The following ACSM1 variants were observed in gnomAD, a reference collection of about 807,000 sequenced individuals.
The protein encoded by ACSM1 is acyl-coenzyme A synthetase ACSM1, mitochondrial.
Under a neutral mutation model 75.8 loss-of-function variants are expected in ACSM1, and 79 were observed. That is an observed-to-expected ratio of 1.04 (90% CI 0.87 to 1.26). The LOEUF (loss-of-function observed/expected upper bound fraction) is 1.26, where lower values mean the gene tolerates loss of function less well. Among genes scored for constraint, ACSM1 ranks in the 50% most tolerant of loss-of-function variants. ACSM1 has a pLI of 0.00. For missense variants in ACSM1, 676 were observed against 720.1 expected, an observed-to-expected ratio of 0.94 and a Z score of 0.70; for synonymous variants, 279 against 265.8, an observed-to-expected ratio of 1.05 and a Z score of -0.48.
intron 10 of ACSM1, among the ~76,000 whole-genome samples, chr16:20,630,707 G>T (rs117145117): frequency 1.3e-5 from 2 of 152,218 alleles, no homozygotes; most frequent in South Asian, 4.1e-4. Context: ...TCCATCCAAC[G>T]GCAGAAGAAC....
chr16:20,672,216 T>A (rs2019951339), intron 4 of ACSM1, among the ~76,000 whole-genome samples: 1 of 151,544 alleles, frequency 6.6e-6, no homozygotes, highest in African/African-American at 2.4e-5. Context: ...GCTAAGCTTG[T>A]TTTTTAAAAT....
At chr16:20,640,399 CA>C (rs1049024880) in intron 8 of ACSM1, 61 bp downstream of exon 8, 1 of 1,598,624 alleles carries the variant, frequency 6.3e-7, no homozygotes, top group African/African-American at 1.3e-5. Context: ...TTAACCTTAG[CA>C]AAATAATCTT....
intron 7 of ACSM1, 135 bp downstream of exon 7, chr16:20,661,659 A>T (rs1211697163): frequency 1.8e-6 from 1 of 546,772 alleles, no homozygotes; most frequent in African/African-American, 1.9e-5. Context: ...TTAACTTTTG[A>T]TCATCATCGC....
At chr16:20,677,775 G>A (rs1255278311) in intron 4 of ACSM1, among the ~76,000 whole-genome samples, 1 of 152,060 alleles carries the variant, frequency 6.6e-6, no homozygotes, top group Non-Finnish European at 1.5e-5. Flanking sequence ...TCTGACAAGA[G>A]CTCTCTGGCT....
Position 20,637,380 on chromosome 16 carries a change from G to C in ACSM1, c.1188C>G (p.Tyr396Ter). 1 of 1,613,730 alleles carries C rather than the reference G, an allele frequency of 6.2e-7. No individual in the cohort carries two copies. Among genetic ancestry groups the C allele is most frequent in the Non-Finnish European group, 8.5e-7 (1 of 1,179,838 alleles). Residue 396 changes from tyrosine (Y) to a stop codon, truncating the protein, a stop_gained, in exon 9 of 14, where the codon TAC becomes TAG. Transcript: ENST00000520010. LOFTEE classifies it high-confidence loss of function. Reference sequence around the variant, plus strand: ...GCCCTTAGGACCAGACCTGGACGTCGTAGGGTGGAGTGGCCTTCCCCATGA... The same window carrying C: ...GCCCTTAGGACCAGACCTGGACGTCCTAGGGTGGAGTGGCCTTCCCCATGA... Reference protein sequence around the residue: ...PGFMGKATPPYDVQVIDDKGS... With the variant: ...PGFMGKATPP
Position 20,669,813 on chromosome 16 carries a change from G to C in ACSM1, c.912+14C>G, listed in dbSNP as rs764099111. 6.2e-7 allele frequency: 1 copy of C among 1,611,560 alleles called. No homozygotes were observed. Among genetic ancestry groups the C allele is most frequent in the Non-Finnish European group, 8.5e-7 (1 of 1,178,860 alleles). The stretch of plus-strand genomic sequence containing the variant: ...TCTGGAATTTTGCTGATAGGGGAAG[G>C]TGAGTCTTCTTACCTGTATGATGAC... On this transcript the variant is annotated intron_variant, in intron 6 of 13. Coordinates refer to ENST00000520010, the MANE Select transcript of ACSM1 (RefSeq NM_001318890.3).
At chr16:20,671,437 CAA>C in intron 5 of ACSM1, 92 bp downstream of exon 5, 2 of 1,224,912 alleles carry the variant, frequency 1.6e-6, no homozygotes, top group Non-Finnish European at 2.1e-6. Context: ...GTTCCTTTCC[CAA>C]GACACACACA....
intron 7 of ACSM1, among the ~76,000 whole-genome samples, chr16:20,647,811 G>A (rs1596836509): frequency 6.6e-6 from 1 of 152,308 alleles, no homozygotes; most frequent in African/African-American, 2.4e-5. Context: ...CCTCTGGAAT[G>A]TGTCTAGACT....
At chr16:20,673,662 G>C (rs2020094421) in intron 4 of ACSM1, among the ~76,000 whole-genome samples, 1 of 152,126 alleles carries the variant, frequency 6.6e-6, no homozygotes, top group Non-Finnish European at 1.5e-5. Flanking sequence ...CAGTCCCTGG[G>C]AGATGGAAAG....
chr16:20,658,684 G>A (rs1054249810), intron 7 of ACSM1, among the ~76,000 whole-genome samples: 2 of 152,082 alleles, frequency 1.3e-5, no homozygotes, highest in African/African-American at 4.8e-5. Context: ...AAAAGTGGTG[G>A]GAAGAATAGA....
intron 7 of ACSM1, among the ~76,000 whole-genome samples, chr16:20,659,102 T>A (rs2019156953): frequency 6.6e-6 from 1 of 152,186 alleles, no homozygotes; most frequent in African/African-American, 2.4e-5. Context: ...CAGATCATGA[T>A]AACTCAGAAC....
chr16:20,665,091 GA>G (rs952100286), intron 6 of ACSM1, among the ~76,000 whole-genome samples: 2 of 150,658 alleles, frequency 1.3e-5, no homozygotes, highest in Non-Finnish European at 3.0e-5. Flanking sequence ...GAGGAACTAG[GA>G]AAAAAAAGAA....
At chr16:20,677,302 G>T (rs969265115) in intron 4 of ACSM1, among the ~76,000 whole-genome samples, 4 of 151,514 alleles carry the variant, frequency 2.6e-5, no homozygotes, top group Non-Finnish European at 5.9e-5. Context: ...TTATCTTCTT[G>T]TATGCCCATA....
intron 6 of ACSM1, among the ~76,000 whole-genome samples, chr16:20,662,954 C>T (rs567602846): frequency 6.6e-6 from 1 of 152,278 alleles, no homozygotes; most frequent in South Asian, 2.1e-4. Flanking sequence ...TGGTGACAGA[C>T]AATTGCCTTA....
Position 20,648,982 on chromosome 16 carries a change from G to A in ACSM1, c.993-8398C>T, listed in dbSNP as rs1446382499. Among the ~76,000 whole-genome samples the A allele has an allele frequency of 1.3e-5, 2 of 152,160 alleles. No homozygotes were observed. Among genetic ancestry groups the A allele is most frequent in the Non-Finnish European group, 2.9e-5 (2 of 68,030 alleles). The stretch of plus-strand genomic sequence containing the variant: ...AGACTTATCTCAGTATTGGTTTGTA[G>A]TATGAAAATTTCTGTAAATCCTCGA... On this transcript the variant is annotated intron_variant, in intron 7 of 13. Coordinates refer to ENST00000520010, the MANE Select transcript of ACSM1 (RefSeq NM_001318890.3). This position sits in a 1 kb window ranked among gnomAD's most constrained non-coding sequence, Gnocchi z 4.2.
intron 7 of ACSM1, among the ~76,000 whole-genome samples, chr16:20,647,885 T>C (rs2018447321): frequency 6.6e-6 from 1 of 152,150 alleles, no homozygotes; most frequent in Non-Finnish European, 1.5e-5. Flanking sequence ...TTATCACAAG[T>C]AGCAGAACAC....
At chr16:20,663,970 G>C (rs1350102534) in intron 6 of ACSM1, among the ~76,000 whole-genome samples, 1 of 151,982 alleles carries the variant, frequency 6.6e-6, no homozygotes, top group Admixed American at 6.6e-5. Context: ...ATCAAATGTG[G>C]GCTCTGGCTA....
chr16:20,641,983 G>C (rs2018089119), intron 7 of ACSM1, among the ~76,000 whole-genome samples: 1 of 152,246 alleles, frequency 6.6e-6, no homozygotes, highest in African/African-American at 2.4e-5. Flanking sequence ...ATTACGAAGA[G>C]TGGGAGTGAA....
Position 20,662,573 on chromosome 16 carries a change from G to A in ACSM1, c.913-700C>T, listed in dbSNP as rs914684223. ...AAGAACAGTAAAGAGAAGAGAAAGT[G>A]GGTTTGGGTATCTTAATTTAAATCC... On this transcript the variant is annotated intron_variant, in intron 6 of 13. Coordinates refer to ENST00000520010, the MANE Select transcript of ACSM1 (RefSeq NM_001318890.3). Among the ~76,000 whole-genome samples, 5 of 152,220 alleles carry A rather than the reference G, an allele frequency of 3.3e-5. No individual in the cohort carries two copies. The South Asian group carries it at 1.0e-3, about 32-fold the overall frequency.
Sources: gnomAD v4.1 joint callset for allele counts (sites outside exome capture counted in the v4.1 genomes callset) on GRCh38, gnomAD v4.1.1 for gene constraint, Gnocchi (gnomAD v3.1) non-coding constraint, MANE v1.5 for transcripts, NCBI Gene and HGNC (gene_info 2026-07-23, HGNC 2026-07-21) for gene names.